Variants in RAB3IP observed in about 807,000 individuals in gnomAD.
RAB3IP encodes the protein RAB3A interacting protein, also known as rab-3A-interacting protein.
In RAB3IP, 36 loss-of-function variants were observed where a neutral mutation model predicts 59.1. The observed-to-expected ratio is 0.61, with a 90% confidence interval of 0.47 to 0.80. The LOEUF is 0.80. Among genes scored for constraint, RAB3IP ranks in the 30% least tolerant of loss-of-function variants. The probability of loss-of-function intolerance (pLI) is 0.00; values close to 1 mark genes in which losing one functional copy is unlikely to be tolerated. For missense variants in RAB3IP, 511 were observed against 536.0 expected (o/e 0.95, Z 0.46); for synonymous variants, 207 against 191.2 (o/e 1.08, Z -0.68).
At chr12:69,806,854 T>G (rs1239665965) in intron 8 of RAB3IP, among the ~76,000 whole-genome samples, 1 of 152,126 alleles carries the variant, frequency 6.6e-6, no homozygotes, top group Non-Finnish European at 1.5e-5. Context: ...CATTTAACCC[T>G]GAGTTGACAC....
intron 3 of RAB3IP, 102 bp downstream of exon 3, chr12:69,756,765 ATT>A (rs1870303174): frequency 6.2e-6 from 6 of 963,978 alleles, no homozygotes; most frequent in Non-Finnish European, 9.2e-6. Context: ...ATGGTTGTAC[ATT>A]TATCCGTCAC....
rs1283020206 is a variant in RAB3IP at position 69,819,473 on chromosome 12, A to G, written c.*4027A>G. On this transcript the variant is annotated 3_prime_UTR_variant, in exon 11 of 11. Transcript: ENST00000247833. Reference sequence around the variant, plus strand: ...AATCTAAATTCAGTAAGGTCAGTCCAGGAGAAAATTTGGGGAGTAGTTAGC... The same window carrying G: ...AATCTAAATTCAGTAAGGTCAGTCCGGGAGAAAATTTGGGGAGTAGTTAGC... The G allele has an allele frequency of 6.6e-6, 1 of 152,434 alleles. No homozygotes were observed. Among genetic ancestry groups the G allele is most frequent in the African/African-American group, 2.4e-5 (1 of 41,462 alleles). 9.4% of individuals were successfully genotyped at this position (152,434 alleles called of 1,614,324 possible). A position where few individuals can be genotyped will look rare whatever the true frequency, so the allele number is the denominator to read the frequency against.
chr12:69,793,844 A>G (rs1051988398), intron 4 of RAB3IP, among the ~76,000 whole-genome samples: 6 of 152,238 alleles, frequency 3.9e-5, no homozygotes, highest in Admixed American at 1.3e-4. Context: ...TTATATGAAT[A>G]AAAAGGAATT....
At chr12:69,770,480 T>A (rs1872934192) in intron 3 of RAB3IP, among the ~76,000 whole-genome samples, 2 of 152,258 alleles carry the variant, frequency 1.3e-5, no homozygotes, top group Admixed American at 1.3e-4. Context: ...TTTATTGTTT[T>A]TTCTCAACAT....
chr12:69,756,180 G>A (rs1048595684), intron 2 of RAB3IP, among the ~76,000 whole-genome samples: 13 of 152,180 alleles, frequency 8.5e-5, no homozygotes, highest in Non-Finnish European at 1.6e-4. Context: ...AACTTTCTGT[G>A]TTGATGAAAA....
At chr12:69,778,420 A>G (rs1874013843) in intron 3 of RAB3IP, among the ~76,000 whole-genome samples, 2 of 133,350 alleles carry the variant, frequency 1.5e-5, no homozygotes, top group Admixed American at 7.7e-5. Context: ...CAGCTCGTCA[A>G]AATCATTCTC....
intron 4 of RAB3IP, among the ~76,000 whole-genome samples, chr12:69,790,059 A>G (rs1360827505): frequency 6.6e-6 from 1 of 152,194 alleles, no homozygotes; most frequent in Non-Finnish European, 1.5e-5. Context: ...TGTACAGCAC[A>G]GTTCTGGAAT....
rs184154642 is a variant in RAB3IP at position 69,807,522 on chromosome 12, C to T, written c.1131-5256C>T. Reference sequence around the variant, plus strand: ...CGGGCGGCCGGGCAGAGGCACTCCTCACCTCCCAGACAGGGTGGCTGGGCA... The same window carrying T: ...CGGGCGGCCGGGCAGAGGCACTCCTTACCTCCCAGACAGGGTGGCTGGGCA... On this transcript the variant is annotated intron_variant, in intron 8 of 10. Coordinates refer to ENST00000247833, the MANE Select transcript of RAB3IP (RefSeq NM_022456.5). Among the ~76,000 whole-genome samples, 765 of 149,194 alleles carry T rather than the reference C, an allele frequency of 5.1e-3. 11 individuals are homozygous for T. Among genetic ancestry groups the T allele is most frequent in the African/African-American group, 0.019 (745 of 40,128 alleles).
intron 3 of RAB3IP, among the ~76,000 whole-genome samples, chr12:69,765,143 C>T (rs1352295354): frequency 6.6e-6 from 1 of 152,038 alleles, no homozygotes; most frequent in African/African-American, 2.4e-5. Flanking sequence ...TTTTCTCTTG[C>T]TGGATTCCTC....
intron 6 of RAB3IP, among the ~76,000 whole-genome samples, chr12:69,797,947 A>G (rs1877771170): frequency 1.3e-5 from 2 of 152,018 alleles, no homozygotes; most frequent in African/African-American, 2.4e-5. Context: ...GGTTGGTTCC[A>G]CGTCTTTGCT....
chr12:69,756,494 CAGAG>C lies in RAB3IP; in HGVS notation c.348_351del (p.Arg116SerfsTer8). 6.2e-7 allele frequency: 1 copy of C among 1,614,048 alleles called. No homozygotes were observed. The highest frequency in any genetic ancestry group is 8.5e-7 in the Non-Finnish European group (1 of 1,179,982). ...ACTACAAGAAAGGACAACTATAATG[CAGAG>C]AGAGAGTTTTTACAGGGTGCTACTA... On this transcript the variant is annotated frameshift_variant, in exon 3 of 11. Transcript: ENST00000247833. LOFTEE classifies it high-confidence loss of function.
At chr12:69,751,688 G>T (rs933908263) in intron 1 of RAB3IP, among the ~76,000 whole-genome samples, 2 of 151,920 alleles carry the variant, frequency 1.3e-5, no homozygotes, top group South Asian at 4.1e-4. Context: ...TTGAAAATAG[G>T]TTGTGACTTT....
intron 4 of RAB3IP, among the ~76,000 whole-genome samples, chr12:69,788,264 A>C (rs982644176): frequency 1.3e-5 from 2 of 152,134 alleles, no homozygotes; most frequent in African/African-American, 4.8e-5. Context: ...ATATACTTAC[A>C]CAAACCAAGA....
At chr12:69,762,756 C>CAAAAAAAAAAAAAAAAAA (rs11445702) in intron 3 of RAB3IP, among the ~76,000 whole-genome samples, 8 of 76,754 alleles carry the variant, frequency 1.0e-4, no homozygotes, top group Non-Finnish European at 1.8e-4. Flanking sequence ...GACTCCGTCT[C>CAAAAAAAAAAAAAAAAAA]AAAAAAAAAA....
chr12:69,791,505 G>A (rs1035207168), intron 4 of RAB3IP, among the ~76,000 whole-genome samples: 11 of 152,180 alleles, frequency 7.2e-5, no homozygotes, highest in Admixed American at 6.5e-5. Flanking sequence ...AGATGGGCTA[G>A]GGGCCTAAAT....
At chr12:69,812,696 C>G (rs1351725769) in intron 8 of RAB3IP, 82 bp from the exon 9 acceptor site, 2 of 872,828 alleles carry the variant, frequency 2.3e-6, no homozygotes, top group Non-Finnish European at 3.6e-6. Flanking sequence ...TGTTATCTAA[C>G]TGAATGAATA....
chr12:69,811,585 T>C (rs569330390), intron 8 of RAB3IP, among the ~76,000 whole-genome samples: 1 of 152,336 alleles, frequency 6.6e-6, no homozygotes, highest in East Asian at 1.9e-4. Flanking sequence ...TTTTGGAAGT[T>C]CCACAGACTT....
At chr12:69,785,653 G>A (rs910429414) in intron 4 of RAB3IP, among the ~76,000 whole-genome samples, 3 of 152,160 alleles carry the variant, frequency 2.0e-5, no homozygotes, top group Non-Finnish European at 2.9e-5. Flanking sequence ...CAACTGATTG[G>A]ATGAGGGTCA....
intron 3 of RAB3IP, among the ~76,000 whole-genome samples, chr12:69,770,369 T>C (rs968402074): frequency 6.6e-6 from 1 of 152,232 alleles, no homozygotes; most frequent in Non-Finnish European, 1.5e-5. Context: ...CACATTCTCC[T>C]GTATACTTTA....
Sources: gnomAD v4.1 joint callset for allele counts (sites outside exome capture counted in the v4.1 genomes callset) on GRCh38, gnomAD v4.1.1 for gene constraint, MANE v1.5 for transcripts, NCBI Gene and HGNC (gene_info 2026-07-23, HGNC 2026-07-21) for gene names.